Variants in KIF26B observed in about 807,000 individuals in gnomAD.
KIF26B encodes the protein kinesin-like protein KIF26B.
In KIF26B, 63 loss-of-function variants were observed where a neutral mutation model predicts 151.2. The observed-to-expected ratio is 0.42, with a 90% CI of 0.34 to 0.51. The LOEUF is 0.51. KIF26B is among the 20% of genes least tolerant of loss of function. The pLI, the probability that KIF26B is intolerant of heterozygous loss-of-function variation, is 0.07. For synonymous variants in KIF26B, 1,357 were observed against 1,262.1 expected (o/e 1.08, Z -1.59); for missense variants, 2,813 against 2,913.6 (o/e 0.97, Z 0.79).
chr1:245,698,257 T>A lies in KIF26B; in HGVS notation c.5976T>A (p.Tyr1992Ter). 1.2e-6 allele frequency: 2 copies of A among 1,613,818 alleles called. No homozygotes were observed. Among genetic ancestry groups the A allele is most frequent in the Non-Finnish European group, 1.7e-6 (2 of 1,179,796 alleles). ...GGGAACCCTTTGAGATTAAAGTCTA[T>A]GAAATCGATGACGTGGAGCGCCTGC... ...GLGEPFEIKV[Y>*]EIDDVERLQR... The change falls in exon 13 of 15, where the codon TAT (tyrosine) becomes TAA (stop). Residue 1992 changes from tyrosine (Y) to a stop codon, truncating the protein, a stop_gained. Coordinates refer to ENST00000407071, the MANE Select transcript of KIF26B (RefSeq NM_018012.4). LOFTEE classifies it high-confidence loss of function. This position sits in a 1 kb window ranked among gnomAD's most constrained non-coding sequence, Gnocchi z 4.0.
intron 5 of KIF26B, among the ~76,000 whole-genome samples, chr1:245,600,134 G>A (rs377085813): frequency 2.3e-3 from 316 of 140,334 alleles, no homozygotes; most frequent in African/African-American, 8.4e-3. Flanking sequence ...CGCTTCCCGG[G>A]TTCACGCCAT....
rs554523620 is a variant in KIF26B at position 245,697,089 on chromosome 1, C to T, written c.5825-1017C>T. 1.2e-4 allele frequency among the ~76,000 whole-genome samples: 18 copies of T among 152,148 alleles called. No homozygotes were observed. The South Asian group carries it at 3.5e-3, about 30-fold the overall frequency. ...TCACACCACTGCACTCCAGCCTGGG[C>T]GACAGAGTGAGACTCCCTCTCAAAA... On this transcript the variant is annotated intron_variant, in intron 12 of 14. Coordinates refer to ENST00000407071, the MANE Select transcript of KIF26B (RefSeq NM_018012.4).
intron 2 of KIF26B, among the ~76,000 whole-genome samples, chr1:245,205,024 G>A (rs1669374623): frequency 1.3e-5 from 2 of 152,126 alleles, no homozygotes; most frequent in South Asian, 4.1e-4. Flanking sequence ...GCCTTTGAGT[G>A]ATCTTGCTGC....
chr1:245,602,833 C>T lies in KIF26B; in HGVS notation c.1557+50C>T, dbSNP rs74154474. On this transcript the variant is annotated intron_variant, in intron 6 of 14. Transcript: ENST00000407071. This position sits in a 1 kb window ranked among gnomAD's most constrained non-coding sequence, Gnocchi z 4.5. The stretch of plus-strand genomic sequence containing the variant: ...TCAGGCAACGTTGATGAAAGGGCAA[C>T]GTTTACTCATTCACAAGGGCCCTTG... The T allele has an allele frequency of 4.6e-3, 7,089 of 1,548,190 alleles. 282 individuals are homozygous for T. The African/African-American group carries it at 0.084, about 18-fold the overall frequency.
chr1:245,655,291 CAA>C (rs1305107223), intron 10 of KIF26B, among the ~76,000 whole-genome samples: 1 of 152,220 alleles, frequency 6.6e-6, no homozygotes, highest in Non-Finnish European at 1.5e-5. Flanking sequence ...CTGTGGTAGA[CAA>C]AGAGACGTGC....
At chr1:245,462,431 C>T (rs998929465) in intron 4 of KIF26B, among the ~76,000 whole-genome samples, 4 of 152,136 alleles carry the variant, frequency 2.6e-5, no homozygotes, top group African/African-American at 9.7e-5. Context: ...GACTTCCTAG[C>T]GCATTTAGAC....
chr1:245,556,437 C>T (rs969761065), intron 5 of KIF26B, among the ~76,000 whole-genome samples: 1 of 151,830 alleles, frequency 6.6e-6, no homozygotes, highest in Non-Finnish European at 1.5e-5. Context: ...GCTTTTGTCA[C>T]CCAGGCTGGA....
At chr1:245,582,775 C>T (rs555197745) in intron 5 of KIF26B, among the ~76,000 whole-genome samples, 2 of 152,270 alleles carry the variant, frequency 1.3e-5, no homozygotes, top group East Asian at 1.9e-4. Context: ...CTCCTTTGAA[C>T]CTGTCTCCTA....
At chr1:245,351,640 C>G (rs1281113066) in intron 2 of KIF26B, among the ~76,000 whole-genome samples, 1 of 152,116 alleles carries the variant, frequency 6.6e-6, no homozygotes, top group East Asian at 1.9e-4. Context: ...ATGAGGAAAC[C>G]AAGGCTCAAG....
intron 2 of KIF26B, among the ~76,000 whole-genome samples, chr1:245,186,493 C>T (rs1669003394): frequency 1.3e-5 from 2 of 152,196 alleles, no homozygotes; most frequent in Admixed American, 6.5e-5. Flanking sequence ...AGGTGAAAGG[C>T]AGCCCAGTGA....
At chr1:245,350,144 G>A (rs1672535363) in intron 2 of KIF26B, among the ~76,000 whole-genome samples, 1 of 152,052 alleles carries the variant, frequency 6.6e-6, no homozygotes, top group African/African-American at 2.4e-5. Context: ...GTCCGGGTTG[G>A]TGGACCCGCC....
intron 4 of KIF26B, among the ~76,000 whole-genome samples, chr1:245,474,971 A>G (rs1660001830): frequency 6.6e-6 from 1 of 151,878 alleles, no homozygotes; most frequent in Non-Finnish European, 1.5e-5. Flanking sequence ...TCATTGGAAT[A>G]TATTTTGTAA....
At chr1:245,280,157 C>T (rs1671013163) in intron 2 of KIF26B, among the ~76,000 whole-genome samples, 1 of 151,972 alleles carries the variant, frequency 6.6e-6, no homozygotes, top group African/African-American at 2.4e-5. Flanking sequence ...AGTCGTCACC[C>T]AGAACCCCCT....
At chr1:245,648,387 A>G (rs534221865) in intron 10 of KIF26B, among the ~76,000 whole-genome samples, 2 of 152,240 alleles carry the variant, frequency 1.3e-5, no homozygotes, top group South Asian at 4.2e-4. Context: ...GGTGGCTCAC[A>G]CCTATATTCC....
At chr1:245,697,093 A>G (rs1277070477) in intron 12 of KIF26B, among the ~76,000 whole-genome samples, 1 of 152,192 alleles carries the variant, frequency 6.6e-6, no homozygotes, top group African/African-American at 2.4e-5. Flanking sequence ...CCTGGGCGAC[A>G]GAGTGAGACT....
At chr1:245,274,211 TA>T (rs1670900628) in intron 2 of KIF26B, among the ~76,000 whole-genome samples, 1 of 152,178 alleles carries the variant, frequency 6.6e-6, no homozygotes, top group Non-Finnish European at 1.5e-5. Context: ...TTTACATAAT[TA>T]TTTTTTATAC....
intron 14 of KIF26B, 30 bp downstream of exon 14, chr1:245,699,067 G>A: frequency 6.2e-7 from 1 of 1,604,602 alleles, no homozygotes; most frequent in Non-Finnish European, 8.5e-7. Context: ...CCACCCTTGT[G>A]ACTAGTGGGT....
chr1:245,498,464 G>A (rs372100756), intron 4 of KIF26B, among the ~76,000 whole-genome samples: 4 of 152,108 alleles, frequency 2.6e-5, no homozygotes, highest in East Asian at 1.9e-4. Flanking sequence ...GCTGAAAACT[G>A]TTTATCCACA....
At chr1:245,193,001 A>T (rs1454799911) in intron 2 of KIF26B, among the ~76,000 whole-genome samples, 1 of 152,214 alleles carries the variant, frequency 6.6e-6, no homozygotes, top group Non-Finnish European at 1.5e-5. Context: ...GGTAGTAAGC[A>T]TAGTACCCAA....
Sources: gnomAD v4.1 joint callset for allele counts (sites outside exome capture counted in the v4.1 genomes callset) on GRCh38, gnomAD v4.1.1 for gene constraint, Gnocchi (gnomAD v3.1) non-coding constraint, MANE v1.5 for transcripts, NCBI Gene and HGNC (gene_info 2026-07-23, HGNC 2026-07-21) for gene names.